The following SCHIP1 variants were observed in gnomAD, a reference collection of about 807,000 sequenced individuals.
The protein encoded by SCHIP1 is schwannomin interacting protein 1.
Under a neutral mutation model 29.7 loss-of-function variants are expected in SCHIP1, and 8 were observed. The observed-to-expected ratio is 0.27, with a 90% CI of 0.16 to 0.49. SCHIP1 has a LOEUF of 0.49. Among genes scored for constraint, SCHIP1 ranks in the 20% least tolerant of loss-of-function variants. The pLI, the probability that SCHIP1 is intolerant of heterozygous loss-of-function variation, is 0.99. For synonymous variants in SCHIP1, 76 were observed against 94.9 expected (o/e 0.80, Z 1.16); for missense variants, 193 against 294.6 (o/e 0.66, Z 2.52).
the SCHIP1 span, among the ~76,000 whole-genome samples, chr3:159,556,721 G>T: frequency 7.4e-6 from 1 of 134,386 alleles, no homozygotes; most frequent in Non-Finnish European, 1.5e-5. Flanking sequence ...TGAACAATGA[G>T]AACACATGGA....
the SCHIP1 span, among the ~76,000 whole-genome samples, chr3:159,302,321 T>C: frequency 6.7e-6 from 1 of 149,438 alleles, no homozygotes. Context: ...ATAACTCATA[T>C]TGCAATAAGT....
the SCHIP1 span, among the ~76,000 whole-genome samples, chr3:159,434,822 C>T: frequency 6.6e-6 from 1 of 152,102 alleles, no homozygotes; most frequent in Non-Finnish European, 1.5e-5. Context: ...TCTGGCTACT[C>T]TTACTCTTCT....
chr3:159,492,975 C>A, the SCHIP1 span, among the ~76,000 whole-genome samples: 1 of 152,170 alleles, frequency 6.6e-6, no homozygotes, highest in Non-Finnish European at 1.5e-5. Context: ...GAAGTTTCAA[C>A]CCAGAATTTC....
the SCHIP1 span, among the ~76,000 whole-genome samples, chr3:159,806,644 A>ACAG: frequency 1.3e-5 from 2 of 152,356 alleles, no homozygotes; most frequent in East Asian, 3.9e-4. Flanking sequence ...GTTCTGGGGA[A>ACAG]CAGCAGCAGC....
chr3:159,605,447 A>G, the SCHIP1 span, among the ~76,000 whole-genome samples: 1 of 152,198 alleles, frequency 6.6e-6, no homozygotes, highest in Non-Finnish European at 1.5e-5. Context: ...AGAATTGGAA[A>G]GAAATGTAGA....
the SCHIP1 span, among the ~76,000 whole-genome samples, chr3:159,285,554 C>T: frequency 6.6e-6 from 1 of 151,860 alleles, no homozygotes; most frequent in African/African-American, 2.4e-5. Flanking sequence ...CTTCTTTTGC[C>T]TTGTTTTTGT....
the SCHIP1 span, among the ~76,000 whole-genome samples, chr3:159,800,215 C>G: frequency 6.6e-6 from 1 of 152,182 alleles, no homozygotes; most frequent in African/African-American, 2.4e-5. Flanking sequence ...ACAGATAACA[C>G]TCTGATTTTA....
At chr3:159,456,105 A>G in the SCHIP1 span, among the ~76,000 whole-genome samples, 1 of 152,112 alleles carries the variant, frequency 6.6e-6, no homozygotes, top group Non-Finnish European at 1.5e-5. Context: ...AGATGGTTTC[A>G]GGCCCAGTTT....
At chr3:159,482,745 A>G in the SCHIP1 span, among the ~76,000 whole-genome samples, 3 of 152,072 alleles carry the variant, frequency 2.0e-5, no homozygotes, top group African/African-American at 7.2e-5. Flanking sequence ...ATGGGAGAGT[A>G]ATTATAGGTC....
the SCHIP1 span, among the ~76,000 whole-genome samples, chr3:159,625,384 G>C: frequency 6.6e-6 from 1 of 152,128 alleles, no homozygotes; most frequent in African/African-American, 2.4e-5. Flanking sequence ...TTTGGTCTGA[G>C]AGTCACCCTT....
At chr3:159,896,852 G>A (rs1718114764) in exon 7 of SCHIP1, 22 of 1,449,558 alleles carry the variant, frequency 1.5e-5, no homozygotes, top group Non-Finnish European at 2.0e-5. Context: ...GCTAAAGGTG[G>A]CGCAGAAACA....
chr3:159,801,091 CA>C, the SCHIP1 span, among the ~76,000 whole-genome samples: 1 of 152,034 alleles, frequency 6.6e-6, no homozygotes, highest in Non-Finnish European at 1.5e-5. Flanking sequence ...TTTCACTCCC[CA>C]GTCCTGGGTC....
chr3:159,366,749 C>T, the SCHIP1 span, among the ~76,000 whole-genome samples: 3 of 152,160 alleles, frequency 2.0e-5, no homozygotes, highest in African/African-American at 4.8e-5. Flanking sequence ...CCCACATCTC[C>T]CACTATGCCT....
chr3:159,688,601 A>T, the SCHIP1 span, among the ~76,000 whole-genome samples: 17 of 152,232 alleles, frequency 1.1e-4, no homozygotes, highest in African/African-American at 4.1e-4. Flanking sequence ...CTTTTGTTTA[A>T]TTAGATCCCA....
At chr3:159,592,646 A>G in the SCHIP1 span, among the ~76,000 whole-genome samples, 4 of 151,748 alleles carry the variant, frequency 2.6e-5, no homozygotes, top group East Asian at 1.9e-4. Context: ...CCCAAGTCCA[A>G]TGTTTCTTTC....
the SCHIP1 span, chr3:159,398,870 C>A: frequency 5.5e-6 from 3 of 543,790 alleles, no homozygotes; most frequent in African/African-American, 2.1e-5. Context: ...GTTTTAGTAC[C>A]TTAGGACACC....
At chr3:159,421,678 C>G in the SCHIP1 span, among the ~76,000 whole-genome samples, 1 of 152,122 alleles carries the variant, frequency 6.6e-6, no homozygotes, top group Non-Finnish European at 1.5e-5. Flanking sequence ...AATCTTATGT[C>G]TTTGATTTAC....
At chr3:159,707,054 T>C in the SCHIP1 span, among the ~76,000 whole-genome samples, 1 of 152,108 alleles carries the variant, frequency 6.6e-6, no homozygotes, top group African/African-American at 2.4e-5. Context: ...GACAAAATAA[T>C]CACACAAGCA....
chr3:159,534,284 GAACTAGGCA>G, the SCHIP1 span, among the ~76,000 whole-genome samples: 1 of 152,118 alleles, frequency 6.6e-6, no homozygotes, highest in Non-Finnish European at 1.5e-5. Context: ...ACCAATAGAT[GAACTAGGCA>G]AATGTTTATG....
Sources: allele counts gnomAD v4.1 joint callset (sites outside exome capture counted in the v4.1 genomes callset), GRCh38; gene constraint gnomAD v4.1.1; transcripts MANE v1.5; gene names NCBI Gene and HGNC (gene_info 2026-07-23, HGNC 2026-07-21).